Variants in LGR5 observed in about 807,000 individuals in gnomAD.
The protein encoded by LGR5 is leucine-rich repeat-containing G protein-coupled receptor 5.
Under a neutral mutation model 76.7 loss-of-function variants are expected in LGR5, and 54 were observed. The observed-to-expected ratio is 0.70, with a 90% CI of 0.57 to 0.88. LGR5 has a LOEUF of 0.88. Among genes scored for constraint, LGR5 ranks in the 40% least tolerant of loss-of-function variants. The probability of loss-of-function intolerance (pLI) is 0.00; values close to 1 mark genes in which losing one functional copy is unlikely to be tolerated. For missense variants in LGR5, 1,078 were observed against 1,073.3 expected, an observed-to-expected ratio of 1.00 and a Z score of -0.06; for synonymous variants, 406 against 421.9, an observed-to-expected ratio of 0.96 and a Z score of 0.46.
intron 4 of LGR5, among the ~76,000 whole-genome samples, chr12:71,538,210 A>T (rs949824962): frequency 2.6e-5 from 4 of 152,176 alleles, no homozygotes; most frequent in Non-Finnish European, 5.9e-5. Flanking sequence ...GCAGCCTAGA[A>T]CAATTAAAAT....
intron 2 of LGR5, among the ~76,000 whole-genome samples, chr12:71,510,523 T>C (rs1875098822): frequency 6.6e-6 from 1 of 152,182 alleles, no homozygotes; most frequent in Admixed American, 6.5e-5. Flanking sequence ...CCTTTCTCTA[T>C]ACTTCCTCCA....
At chr12:71,576,425 G>A (rs1354385170) in intron 13 of LGR5, among the ~76,000 whole-genome samples, 2 of 152,110 alleles carry the variant, frequency 1.3e-5, no homozygotes, top group African/African-American at 2.4e-5. Context: ...TGCAGCCCTT[G>A]AGAAGTCTGT....
chr12:71,466,779 T>C (rs1402039047), intron 1 of LGR5, among the ~76,000 whole-genome samples: 1 of 152,094 alleles, frequency 6.6e-6, no homozygotes, highest in Admixed American at 6.5e-5. Context: ...ATTTTCAGGT[T>C]TTCTAAATTT....
chr12:71,578,747 C>T, intron 14 of LGR5, 57 bp from the exon 15 acceptor site: 2 of 1,483,534 alleles, frequency 1.3e-6, no homozygotes, highest in Non-Finnish European at 1.8e-6. Flanking sequence ...TTTTTTTTAA[C>T]ATAAACGTTT....
intron 11 of LGR5, among the ~76,000 whole-genome samples, chr12:71,568,109 T>C (rs141349690): frequency 6.6e-6 from 1 of 152,266 alleles, no homozygotes; most frequent in Non-Finnish European, 1.5e-5. Context: ...ATGATTAGGA[T>C]TTTACATACT....
At chr12:71,496,727 G>A (rs986073070) in intron 1 of LGR5, among the ~76,000 whole-genome samples, 2 of 152,120 alleles carry the variant, frequency 1.3e-5, no homozygotes, top group Non-Finnish European at 2.9e-5. Flanking sequence ...GTGGTGTAAT[G>A]ATAAAATGAA....
rs147433362 is a variant in LGR5 at position 71,442,878 on chromosome 12, T to C, written c.212+2586T>C. On this transcript the variant is annotated intron_variant, in intron 1 of 17. Coordinates refer to ENST00000266674, the MANE Select transcript of LGR5 (RefSeq NM_003667.4). Reference sequence around the variant, plus strand: ...CATATTCAAATAAATGAGTATGTGTTCTACTGATTTTCTTATTTGAAGGAA... The same window carrying C: ...CATATTCAAATAAATGAGTATGTGTCCTACTGATTTTCTTATTTGAAGGAA... Among the ~76,000 whole-genome samples the C allele has an allele frequency of 1.5e-3, 223 of 152,358 alleles. 3 individuals are homozygous for C. The highest frequency in any genetic ancestry group is 5.2e-3 in the African/African-American group (216 of 41,590).
intron 13 of LGR5, among the ~76,000 whole-genome samples, chr12:71,573,904 G>T (rs1878729481): frequency 3.0e-5 from 2 of 66,948 alleles, no homozygotes; most frequent in African/African-American, 4.5e-5. Context: ...CTTGTGGAGT[G>T]CTTTTACTTA....
chr12:71,442,464 T>C (rs1871810234), intron 1 of LGR5, among the ~76,000 whole-genome samples: 2 of 152,230 alleles, frequency 1.3e-5, no homozygotes, highest in Non-Finnish European at 2.9e-5. Flanking sequence ...GAAGACATTT[T>C]CCCAGTGCCC....
intron 4 of LGR5, among the ~76,000 whole-genome samples, chr12:71,552,324 G>T (rs537436936): frequency 3.4e-4 from 51 of 152,210 alleles, no homozygotes; most frequent in East Asian, 1.2e-3. Flanking sequence ...CAGTACTTTG[G>T]GAGGCCGAGG....
chr12:71,444,356 AT>A (rs1288083192), intron 1 of LGR5, among the ~76,000 whole-genome samples: 1 of 151,880 alleles, frequency 6.6e-6, no homozygotes, highest in South Asian at 2.1e-4. Context: ...ATTCCTGGGG[AT>A]TTTTTCCATA....
At chr12:71,561,917 T>G (rs1592547379) in intron 8 of LGR5, 65 bp downstream of exon 8, 1 of 939,090 alleles carries the variant, frequency 1.1e-6, no homozygotes. Flanking sequence ...TACTTTGAAA[T>G]ACAATGAATA....
At chr12:71,562,586 T>A (rs1314610554) in intron 8 of LGR5, among the ~76,000 whole-genome samples, 2 of 152,134 alleles carry the variant, frequency 1.3e-5, no homozygotes, top group African/African-American at 4.8e-5. Context: ...AAGGATAAAA[T>A]AGAGTTACAA....
chr12:71,490,556 A>C (rs1413591086), intron 1 of LGR5, among the ~76,000 whole-genome samples: 2 of 152,170 alleles, frequency 1.3e-5, no homozygotes, highest in Non-Finnish European at 2.9e-5. Context: ...AATCTAATAA[A>C]TGTATAACGG....
intron 2 of LGR5, among the ~76,000 whole-genome samples, chr12:71,509,644 C>T (rs577155058): frequency 3.9e-5 from 6 of 152,244 alleles, no homozygotes; most frequent in Non-Finnish European, 8.8e-5. Flanking sequence ...CTATTACTGG[C>T]GTCTACAAGT....
intron 11 of LGR5, 111 bp from the exon 12 acceptor site, chr12:71,571,403 A>G: frequency 1.5e-6 from 1 of 680,150 alleles, no homozygotes; most frequent in Non-Finnish European, 2.5e-6. Context: ...GAAAATGTTC[A>G]GAGTCTGCCT....
chr12:71,486,835 A>G (rs1459367723), intron 1 of LGR5, among the ~76,000 whole-genome samples: 2 of 152,186 alleles, frequency 1.3e-5, no homozygotes, highest in South Asian at 4.1e-4. Flanking sequence ...GAGAAAAAAA[A>G]AAAGAGGGGC....
rs759994555 is a variant in LGR5, at chr12:71,584,700, A to G, written c.2690A>G (p.His897Arg). 2 of 1,612,924 alleles carry G rather than the reference A, an allele frequency of 1.2e-6. No homozygotes were observed. Among genetic ancestry groups the G allele is most frequent in the Non-Finnish European group, 8.5e-7 (1 of 1,178,966 alleles). The change falls in exon 18 of 18, where the codon CAT becomes CGT. Residue 897 changes from histidine to arginine, a missense_variant. Coordinates refer to ENST00000266674, the MANE Select transcript of LGR5 (RefSeq NM_003667.4). ...SPAYPVTESC[H>R]LSSVAFVPCL ...GCTTATCCAGTGACTGAGAGCTGCCATCTTTCCTCTGTGGCATTTGTCCCA... is the reference window on the plus strand; with the variant it reads ...GCTTATCCAGTGACTGAGAGCTGCCGTCTTTCCTCTGTGGCATTTGTCCCA...
chr12:71,516,656 A>G (rs1250124600), intron 2 of LGR5, among the ~76,000 whole-genome samples: 1 of 152,234 alleles, frequency 6.6e-6, no homozygotes, highest in Non-Finnish European at 1.5e-5. Context: ...ATTACTTTAA[A>G]GATTCAAATT....
Sources: gnomAD v4.1 joint callset for allele counts (sites outside exome capture counted in the v4.1 genomes callset) on GRCh38, gnomAD v4.1.1 for gene constraint, MANE v1.5 for transcripts, NCBI Gene and HGNC (gene_info 2026-07-23, HGNC 2026-07-21) for gene names.